The following OXSR1 variants were observed in gnomAD, a reference collection of about 807,000 sequenced individuals.
The protein encoded by OXSR1 is serine/threonine-protein kinase OSR1.
In OXSR1, 24 loss-of-function variants were observed where a neutral mutation model predicts 79.8. The observed-to-expected ratio is 0.30, with a 90% CI of 0.22 to 0.42. The LOEUF (loss-of-function observed/expected upper bound fraction) is 0.42, where lower values mean the gene tolerates loss of function less well. OXSR1 is among the 10% of genes least tolerant of loss of function. The probability of loss-of-function intolerance (pLI) is 1.00; values close to 1 mark genes in which losing one functional copy is unlikely to be tolerated. For missense variants in OXSR1, 430 were observed against 618.4 expected, an observed-to-expected ratio of 0.70 and a Z score of 3.23; for synonymous variants, 226 against 209.2, an observed-to-expected ratio of 1.08 and a Z score of -0.69.
In OXSR1 at chr3:38,224,586, C is replaced by T. The variant is rs374106391; in HGVS notation, c.718C>T (p.Leu240=). Reference sequence around the variant, plus strand: ...ATTCTTGCAGGTTTTAATGCTGACACTGCAGAACGATCCTCCTTCTTTGGA... The same window carrying T: ...ATTCTTGCAGGTTTTAATGCTGACATTGCAGAACGATCCTCCTTCTTTGGA... ...YPPMKVLMLT[L]QNDPPSLETG... Residue 240 remains leucine, a synonymous_variant, in exon 8 of 18, where the codon CTG becomes TTG. Transcript: ENST00000311806. 1.3e-6 allele frequency: 2 copies of T among 1,589,926 alleles called. No individual in the cohort carries two copies. The highest frequency in any genetic ancestry group is 1.4e-5 in the African/African-American group (1 of 73,256).
chr3:38,222,105 G>C (rs1454770292), intron 6 of OXSR1, among the ~76,000 whole-genome samples: 1 of 152,076 alleles, frequency 6.6e-6, no homozygotes, highest in Non-Finnish European at 1.5e-5. Flanking sequence ...TTTTTACTCT[G>C]TTTTAATCAC....
At position 38,252,989 on chromosome 3, in the gene OXSR1, A is replaced by G. The variant is rs1703291613; in HGVS notation, c.*98A>G. The G allele has an allele frequency of 2.2e-6, 2 of 896,688 alleles. No individual in the cohort carries two copies. Among genetic ancestry groups the G allele is most frequent in the Non-Finnish European group, 3.7e-6 (2 of 544,570 alleles). The allele number at this position is 896,688 out of a possible 1,614,324, so 55.5% of individuals were successfully genotyped here. A position where few individuals can be genotyped will look rare whatever the true frequency, so the allele number is the denominator to read the frequency against. ...CCCACTACTGCCAAAGAACCCAGCA[A>G]CAAACCTCCCGGCTAGGAGCTTTAG... On this transcript the variant is annotated 3_prime_UTR_variant, in exon 18 of 18. Transcript: ENST00000311806.
In OXSR1 at chr3:38,195,697, A is replaced by G. The variant is rs548235870; in HGVS notation, c.293-3025A>G. On this transcript the variant is annotated intron_variant, in intron 3 of 17. Transcript: ENST00000311806. ...TTACTTTGATTGAGTTATAATTTTC[A>G]GACTTATCAAGTGTCTGAAGCCAGC... Among the ~76,000 whole-genome samples, 3 of 152,348 alleles carry G rather than the reference A, an allele frequency of 2.0e-5. No homozygotes were observed. In the South Asian group the frequency reaches 6.2e-4, roughly 32 times the overall value.
At chr3:38,183,735 G>T (rs560458681) in intron 2 of OXSR1, among the ~76,000 whole-genome samples, 1 of 152,260 alleles carries the variant, frequency 6.6e-6, no homozygotes, top group African/African-American at 2.4e-5. Context: ...AGAAGAAAGG[G>T]AAGTCCCAAG....
At chr3:38,196,629 T>C (rs1489583939) in intron 3 of OXSR1, among the ~76,000 whole-genome samples, 1 of 152,214 alleles carries the variant, frequency 6.6e-6, no homozygotes, top group Non-Finnish European at 1.5e-5. Context: ...CATTGATCAT[T>C]GGATGATGTG....
At chr3:38,230,710 G>T in intron 10 of OXSR1, 1 of 301,686 alleles carries the variant, frequency 3.3e-6, no homozygotes, top group Non-Finnish European at 6.2e-6. Context: ...ACCAGAGTGA[G>T]TTGTGATTTT....
chr3:38,200,549 T>TA (rs1334127546), intron 4 of OXSR1, among the ~76,000 whole-genome samples: 1 of 152,096 alleles, frequency 6.6e-6, no homozygotes, highest in Non-Finnish European at 1.5e-5. Context: ...GAACAGGGAA[T>TA]ATTTAAAGGG....
At chr3:38,199,285 T>G (rs76807693) in intron 4 of OXSR1, among the ~76,000 whole-genome samples, 2 of 151,850 alleles carry the variant, frequency 1.3e-5, no homozygotes, top group Non-Finnish European at 2.9e-5. Context: ...TTTTTTTTTT[T>G]TGAAACAGGG....
At chr3:38,169,100 T>A (rs1013447700) in intron 1 of OXSR1, among the ~76,000 whole-genome samples, 3 of 152,236 alleles carry the variant, frequency 2.0e-5, no homozygotes, top group African/African-American at 7.2e-5. Context: ...CTTGTTTCTC[T>A]AAATTTGTTG....
chr3:38,165,563 G>A lies in OXSR1; in HGVS notation c.-314G>A, dbSNP rs1017961970. The A allele has an allele frequency of 3.6e-5, 13 of 363,646 alleles. No individual in the cohort carries two copies. The South Asian group carries it at 4.8e-4, about 13-fold the overall frequency. 22.5% of individuals were successfully genotyped at this position (363,646 alleles called of 1,614,324 possible). A position where few individuals can be genotyped will look rare whatever the true frequency, so the allele number is the denominator to read the frequency against. On this transcript the variant is annotated 5_prime_UTR_variant, in exon 1 of 18. Transcript: ENST00000311806. The stretch of plus-strand genomic sequence containing the variant: ...GCCCGTGCGTGGGGCTGGGGTGGAG[G>A]GCGGGACAGAGGGGCTGGGCCCAGG...
intron 5 of OXSR1, among the ~76,000 whole-genome samples, chr3:38,221,134 C>T (rs1401989976): frequency 6.6e-6 from 1 of 151,712 alleles, no homozygotes; most frequent in Non-Finnish European, 1.5e-5. Flanking sequence ...ACTGAAAGGG[C>T]CATGTCAAAG....
intron 5 of OXSR1, among the ~76,000 whole-genome samples, chr3:38,216,541 G>C (rs1702485827): frequency 1.3e-5 from 2 of 152,164 alleles, no homozygotes; most frequent in South Asian, 4.1e-4. Flanking sequence ...GGGAAATGGA[G>C]TATTTGTCAA....
intron 10 of OXSR1, among the ~76,000 whole-genome samples, chr3:38,233,199 A>T (rs568030046): frequency 6.6e-6 from 1 of 152,376 alleles, no homozygotes; most frequent in Admixed American, 6.5e-5. Context: ...TGAAAAGGGC[A>T]TTTAAGTAAT....
chr3:38,220,317 G>A (rs1487678270), intron 5 of OXSR1, among the ~76,000 whole-genome samples: 3 of 151,540 alleles, frequency 2.0e-5, no homozygotes, highest in South Asian at 2.1e-4. Context: ...TCTCACAATT[G>A]GGTTTTCTGT....
chr3:38,219,779 AGATGATGATGATGAT>A (rs3058799), intron 5 of OXSR1, among the ~76,000 whole-genome samples: 7 of 148,250 alleles, frequency 4.7e-5, no homozygotes, highest in East Asian at 2.0e-4. Flanking sequence ...AAAACTGTTA[AGATGATGATGATGAT>A]GATGATGATG....
At position 38,254,195 on chromosome 3, in the gene OXSR1, C is replaced by T. The variant is rs1020344492; in HGVS notation, c.*1304C>T. 2.8e-5 allele frequency: 11 copies of T among 398,714 alleles called. No homozygotes were observed. Among genetic ancestry groups the T allele is most frequent in the Non-Finnish European group, 4.9e-5 (11 of 225,924 alleles). 24.7% of individuals were successfully genotyped at this position (398,714 alleles called of 1,614,324 possible). ...GATACACAAAGATGGGCTGTGGGTCCCTGGAAAGGGGGAGAGTTGCCCTTT... is the reference window on the plus strand; with the variant it reads ...GATACACAAAGATGGGCTGTGGGTCTCTGGAAAGGGGGAGAGTTGCCCTTT... On this transcript the variant is annotated 3_prime_UTR_variant, in exon 18 of 18. Transcript: ENST00000311806.
At chr3:38,178,620 A>ATATT (rs1265646743) in intron 1 of OXSR1, among the ~76,000 whole-genome samples, 19 of 95,108 alleles carry the variant, frequency 2.0e-4, no homozygotes, top group East Asian at 3.2e-4. Context: ...ATATATATAT[A>ATATT]TTTTTTTTTT....
rs2011 is a variant in OXSR1 at position 38,255,326 on chromosome 3, G to A, written c.*2435G>A. On this transcript the variant is annotated 3_prime_UTR_variant, in exon 18 of 18. Coordinates refer to ENST00000311806, the MANE Select transcript of OXSR1 (RefSeq NM_005109.3). ...GCCAGCTGATAATATTTAATAATCT[G>A]GAGGAGAGAATAATGATGTACCAAT... The A allele has an allele frequency of 0.26, 39,217 of 152,590 alleles. 6,254 individuals carry two copies. The highest frequency in any genetic ancestry group is 0.46 in the South Asian group (2,205 of 4,826). The allele number at this position is 152,590 out of a possible 1,614,324, so 9.5% of individuals were successfully genotyped here. A position where few individuals can be genotyped will look rare whatever the true frequency, so the allele number is the denominator to read the frequency against.
At chr3:38,218,359 G>A (rs1162724097) in intron 5 of OXSR1, among the ~76,000 whole-genome samples, 1 of 151,976 alleles carries the variant, frequency 6.6e-6, no homozygotes, top group African/African-American at 2.4e-5. Context: ...GCCATTCTAA[G>A]GGATGTAAGG....
Sources: gnomAD v4.1 joint callset for allele counts (sites outside exome capture counted in the v4.1 genomes callset) on GRCh38, gnomAD v4.1.1 for gene constraint, MANE v1.5 for transcripts, NCBI Gene and HGNC (gene_info 2026-07-23, HGNC 2026-07-21) for gene names.